MYO5B: variants seen among roughly 807,000 people sequenced by gnomAD.
MYO5B encodes unconventional myosin-Vb.
In MYO5B, 143 loss-of-function variants were observed where a neutral mutation model predicts 229.3. That is an observed-to-expected ratio of 0.62 (90% CI 0.54 to 0.72). MYO5B has a LOEUF of 0.72. Ranked by LOEUF, MYO5B falls within the 30% of genes least tolerant of loss-of-function variation. The pLI, the probability that MYO5B is intolerant of heterozygous loss-of-function variation, is 0.00. For missense variants in MYO5B, 2,321 were observed against 2,331.0 expected, an observed-to-expected ratio of 1.00 and a Z score of 0.09; for synonymous variants, 918 against 885.2, an observed-to-expected ratio of 1.04 and a Z score of -0.66.
At chr18:50,180,356 G>A (rs2033055590) in intron 1 of MYO5B, among the ~76,000 whole-genome samples, 1 of 152,102 alleles carries the variant, frequency 6.6e-6, no homozygotes, top group Non-Finnish European at 1.5e-5. Flanking sequence ...AAGCCTGAGG[G>A]GTGTCCTAGA....
intron 1 of MYO5B, among the ~76,000 whole-genome samples, chr18:50,125,829 G>T (rs1400917367): frequency 2.0e-5 from 3 of 152,138 alleles, no homozygotes; most frequent in African/African-American, 7.2e-5. Context: ...AGCCTTAAAA[G>T]GGAAGGAAAT....
intron 1 of MYO5B, among the ~76,000 whole-genome samples, chr18:50,128,714 G>C (rs142536034): frequency 2.0e-5 from 3 of 152,168 alleles, no homozygotes; most frequent in Admixed American, 6.5e-5. Flanking sequence ...CTAAGAATCC[G>C]AGATCCTTTA....
At chr18:50,082,763 G>A (rs2031248801) in intron 1 of MYO5B, among the ~76,000 whole-genome samples, 1 of 152,186 alleles carries the variant, frequency 6.6e-6, no homozygotes, top group Non-Finnish European at 1.5e-5. Context: ...ACAAGGGAAA[G>A]ACTTGCAAAT....
intron 35 of MYO5B, chr18:49,840,036 AATG>A (rs2144035997): frequency 6.5e-6 from 1 of 153,666 alleles, no homozygotes; most frequent in East Asian, 1.9e-4. Context: ...GGATAATTGT[AATG>A]ATGAAGATAG....
intron 3 of MYO5B, 105 bp from the exon 4 acceptor site, chr18:50,037,099 A>G: frequency 8.2e-7 from 1 of 1,225,270 alleles, no homozygotes. Context: ...CCAAAGAATG[A>G]GAGGGCAGCA....
At chr18:49,832,968 A>G (rs367550676) in intron 39 of MYO5B, among the ~76,000 whole-genome samples, 224 of 152,300 alleles carry the variant, frequency 1.5e-3, no homozygotes, top group African/African-American at 5.2e-3. Context: ...ATCACAAGGC[A>G]TATGTATGTA....
At chr18:49,870,230 G>A (rs577436905) in intron 27 of MYO5B, among the ~76,000 whole-genome samples, 4 of 152,276 alleles carry the variant, frequency 2.6e-5, no homozygotes, top group South Asian at 2.1e-4. Context: ...CTGGGAAACC[G>A]GACATCCACA....
chr18:50,166,949 A>C (rs1398045107), intron 1 of MYO5B, among the ~76,000 whole-genome samples: 1 of 152,260 alleles, frequency 6.6e-6, no homozygotes, highest in Non-Finnish European at 1.5e-5. Flanking sequence ...CCAATCTTGA[A>C]TGCACATACT....
chr18:50,023,964 T>C (rs1225848457), intron 4 of MYO5B, among the ~76,000 whole-genome samples: 18 of 152,184 alleles, frequency 1.2e-4, no homozygotes, highest in Admixed American at 1.2e-3. Flanking sequence ...CCTCAACACA[T>C]ACTCCATAAA....
At chr18:49,958,334 C>G (rs761732090) in intron 12 of MYO5B, among the ~76,000 whole-genome samples, 34 of 152,240 alleles carry the variant, frequency 2.2e-4, no homozygotes, top group Non-Finnish European at 4.0e-4. Context: ...GCCAAACAAT[C>G]TGCGCACTCT....
chr18:50,047,689 C>G (rs1847757540), intron 2 of MYO5B, among the ~76,000 whole-genome samples: 1 of 152,034 alleles, frequency 6.6e-6, no homozygotes, highest in Admixed American at 6.6e-5. Context: ...TGGAACCAAC[C>G]CAAATGTCCA....
intron 1 of MYO5B, among the ~76,000 whole-genome samples, chr18:50,165,786 AAAGGAAGG>A (rs58511275): frequency 6.5e-4 from 97 of 150,196 alleles, no homozygotes; most frequent in Middle Eastern, 3.4e-3. Context: ...TGAAAGAAAA[AAAGGAAGG>A]AAGGAAGGAA....
At chr18:49,912,439 T>G (rs1215279606) in intron 17 of MYO5B, among the ~76,000 whole-genome samples, 1 of 152,116 alleles carries the variant, frequency 6.6e-6, no homozygotes, top group Non-Finnish European at 1.5e-5. Context: ...AACAGGAAGT[T>G]TATGCCTGAT....
intron 2 of MYO5B, among the ~76,000 whole-genome samples, chr18:50,051,389 TGATA>T (rs1279261890): frequency 6.6e-6 from 1 of 152,050 alleles, no homozygotes; most frequent in African/African-American, 2.4e-5. Context: ...TCAAGGTGGG[TGATA>T]GATAGTAGAT....
intron 27 of MYO5B, among the ~76,000 whole-genome samples, chr18:49,867,281 T>C (rs1282933066): frequency 6.6e-6 from 1 of 151,866 alleles, no homozygotes; most frequent in Admixed American, 6.5e-5. Flanking sequence ...GGGAAGTGAG[T>C]GGGAAGAAAG....
At chr18:49,917,767 TGCTTGTCAGGGGCCTGGCTGA>T (rs1381262962) in intron 17 of MYO5B, among the ~76,000 whole-genome samples, 1 of 152,224 alleles carries the variant, frequency 6.6e-6, no homozygotes, top group Non-Finnish European at 1.5e-5. Context: ...GATTCTGACT[TGCTTGTCAGGGGCCTGGCTGA>T]GCATTCTGGA....
At chr18:49,974,187 C>T (rs764513280) in intron 10 of MYO5B, among the ~76,000 whole-genome samples, 163 bp downstream of exon 10, 1 of 152,150 alleles carries the variant, frequency 6.6e-6, no homozygotes, top group Non-Finnish European at 1.5e-5. Context: ...GGCCTCAGGC[C>T]CCATCATTGT....
intron 2 of MYO5B, 150 bp from the exon 3 acceptor site, chr18:50,040,464 A>G (rs1000515526): frequency 5.6e-6 from 5 of 885,080 alleles, no homozygotes; most frequent in Admixed American, 3.9e-5. Context: ...TGAACAAAAT[A>G]CCTGTGTTGC....
chr18:50,154,151 G>A (rs1010305680), intron 1 of MYO5B, among the ~76,000 whole-genome samples: 1 of 151,468 alleles, frequency 6.6e-6, no homozygotes, highest in African/African-American at 2.4e-5. Flanking sequence ...GGTGGTATGT[G>A]CCCAGAGAAT....
Sources: allele counts gnomAD v4.1 joint callset (sites outside exome capture counted in the v4.1 genomes callset), GRCh38; gene constraint gnomAD v4.1.1; transcripts MANE v1.5; gene names NCBI Gene and HGNC (gene_info 2026-07-23, HGNC 2026-07-21).